The following RBM20 variants were observed in gnomAD, a reference collection of about 807,000 sequenced individuals.
The protein encoded by RBM20 is RNA binding motif protein 20, also known as RNA-binding protein 20.
RBM20 carries 51 observed loss-of-function variants against 110.1 expected under a neutral mutation model. The observed-to-expected ratio is 0.46, with a 90% CI of 0.37 to 0.59. RBM20 has a LOEUF of 0.59. Ranked by LOEUF, RBM20 falls within the 20% of genes least tolerant of loss-of-function variation. The pLI is 0.00. For missense variants in RBM20, 1,512 were observed against 1,574.9 expected (o/e 0.96, Z 0.68); for synonymous variants, 589 against 618.2 (o/e 0.95, Z 0.70).
chr10:110,645,977 A>G (rs1861861548), intron 1 of RBM20, among the ~76,000 whole-genome samples: 1 of 152,262 alleles, frequency 6.6e-6, no homozygotes. Flanking sequence ...GTACATCAAT[A>G]CTTAAAATTT....
rs1286599728 is a variant in RBM20, at chr10:110,781,460, G to A, written c.851G>A (p.Gly284Glu). The A allele has an allele frequency of 1.3e-6, 2 of 1,551,378 alleles. No homozygotes were observed. Among genetic ancestry groups the A allele is most frequent in the Non-Finnish European group, 8.7e-7 (1 of 1,147,010 alleles). The change falls in exon 2 of 14, where the codon GGA (glycine) becomes GAA (glutamate). Residue 284 changes from glycine (G) to glutamate (E), a missense_variant. Physicochemically the swap from Gly to Glu is moderately conservative, Grantham distance 98. Around this residue, in one of 3 missense-constraint regions of RBM20, gnomAD observed 1,149 missense variants for 1,169.4 expected, o/e 0.98. Coordinates refer to ENST00000369519, the MANE Select transcript of RBM20 (RefSeq NM_001134363.3). ...GCTGCCTTTTCCAAAGATTTTTACG[G>A]ACCCAACTCCCAAGGTTCACATGTG... ...GQAAFSKDFY[G>E]PNSQGSHVAS...
intron 1 of RBM20, among the ~76,000 whole-genome samples, chr10:110,747,582 T>C (rs1378384907): frequency 3.9e-5 from 6 of 152,236 alleles, no homozygotes; most frequent in Admixed American, 3.9e-4. Flanking sequence ...ACAATGCTTC[T>C]CTAAGACTAA....
At chr10:110,725,807 G>A (rs927456571) in intron 1 of RBM20, among the ~76,000 whole-genome samples, 1 of 152,228 alleles carries the variant, frequency 6.6e-6, no homozygotes, top group East Asian at 1.9e-4. Flanking sequence ...ATATAGCTGG[G>A]GTGGCGTGTG....
At chr10:110,675,455 TTAATCC>T (rs1416666272) in intron 1 of RBM20, among the ~76,000 whole-genome samples, 1 of 152,216 alleles carries the variant, frequency 6.6e-6, no homozygotes, top group Admixed American at 6.5e-5. Flanking sequence ...AGTATCTTAT[TTAATCC>T]CCAAACAACC....
intron 3 of RBM20, 33 bp from the exon 4 acceptor site, chr10:110,784,307 TA>T: frequency 1.4e-6 from 2 of 1,455,176 alleles, no homozygotes; most frequent in Admixed American, 2.0e-5. Flanking sequence ...TTTAACTTAT[TA>T]AGGAGCCGGT....
chr10:110,752,939 A>AT (rs746929801), intron 1 of RBM20, among the ~76,000 whole-genome samples: 3,828 of 93,486 alleles, frequency 0.041, 75 homozygotes, highest in Non-Finnish European at 0.061. Flanking sequence ...ATATATATAT[A>AT]TATATATTTT....
At chr10:110,805,317 G>A (rs1844680588) in intron 7 of RBM20, among the ~76,000 whole-genome samples, 1 of 152,216 alleles carries the variant, frequency 6.6e-6, no homozygotes, top group South Asian at 2.1e-4. Flanking sequence ...AGAGCTTCCA[G>A]GCAGGAGTCG....
chr10:110,746,173 G>T (rs1668444485), intron 1 of RBM20, among the ~76,000 whole-genome samples: 1 of 152,160 alleles, frequency 6.6e-6, no homozygotes, highest in African/African-American at 2.4e-5. Context: ...GCTGGTGCGG[G>T]CTTGTTCACA....
intron 13 of RBM20, among the ~76,000 whole-genome samples, chr10:110,833,458 G>C (rs909445480): frequency 6.7e-6 from 1 of 148,566 alleles, no homozygotes; most frequent in Non-Finnish European, 1.5e-5. Flanking sequence ...ATTTTCTGTA[G>C]GGCTGGGCCT....
chr10:110,647,960 A>T (rs1299919436), intron 1 of RBM20, among the ~76,000 whole-genome samples: 1 of 152,172 alleles, frequency 6.6e-6, no homozygotes, highest in Admixed American at 6.5e-5. Context: ...GAAACCAAAC[A>T]CGTGCACCCC....
chr10:110,833,257 C>T (rs192377249), intron 13 of RBM20, among the ~76,000 whole-genome samples: 18 of 151,878 alleles, frequency 1.2e-4, no homozygotes, highest in African/African-American at 3.1e-4. Flanking sequence ...GGCGTGGTGG[C>T]GCGCACCTAT....
At chr10:110,800,401 G>A (rs1324482352) in intron 7 of RBM20, among the ~76,000 whole-genome samples, 1 of 152,206 alleles carries the variant, frequency 6.6e-6, no homozygotes, top group Non-Finnish European at 1.5e-5. Context: ...AGAACTCAGG[G>A]ATGCATTCAA....
intron 1 of RBM20, among the ~76,000 whole-genome samples, chr10:110,767,509 G>C (rs1174383408): frequency 6.8e-6 from 1 of 148,112 alleles, no homozygotes; most frequent in South Asian, 2.1e-4. Context: ...GCTGCGGGGC[G>C]GAGGGGCTCC....
intron 1 of RBM20, among the ~76,000 whole-genome samples, chr10:110,681,841 T>G (rs1420223766): frequency 4.6e-5 from 7 of 152,024 alleles, no homozygotes. Flanking sequence ...ATTTCAACAG[T>G]CTTTTCATTA....
intron 5 of RBM20, among the ~76,000 whole-genome samples, chr10:110,787,177 A>G (rs946310390): frequency 1.3e-5 from 2 of 152,206 alleles, no homozygotes; most frequent in African/African-American, 4.8e-5. Flanking sequence ...AAACAACTGG[A>G]TTTCCATCCA....
intron 1 of RBM20, among the ~76,000 whole-genome samples, chr10:110,692,142 A>G (rs1862594606): frequency 6.6e-6 from 1 of 152,098 alleles, no homozygotes; most frequent in Non-Finnish European, 1.5e-5. Context: ...TCCTTATGCC[A>G]GTACCACACT....
At chr10:110,650,026 A>G (rs73353191) in intron 1 of RBM20, among the ~76,000 whole-genome samples, 26,055 of 152,098 alleles carry the variant, frequency 0.17, 3,016 homozygotes, top group African/African-American at 0.31. Context: ...GACTGGCTCC[A>G]TGGGTGGTCA....
At position 110,803,192 on chromosome 10, in the gene RBM20, A is replaced by G. The variant is rs537803348; in HGVS notation, c.1800+3274A>G. 8.9e-4 allele frequency among the ~76,000 whole-genome samples: 135 copies of G among 152,352 alleles called. 1 individual carries two copies. Among genetic ancestry groups the G allele is most frequent in the African/African-American group, 3.1e-3 (127 of 41,582 alleles). ...ACAGGTATTATTATCTCAGTTTTACAGATGAGGAATCTGAAGCTAATAGAA... is the reference window on the plus strand; with the variant it reads ...ACAGGTATTATTATCTCAGTTTTACGGATGAGGAATCTGAAGCTAATAGAA... On this transcript the variant is annotated intron_variant, in intron 7 of 13. Coordinates refer to ENST00000369519, the MANE Select transcript of RBM20 (RefSeq NM_001134363.3).
At chr10:110,809,466 C>T (rs1361398625) in intron 7 of RBM20, among the ~76,000 whole-genome samples, 5 of 151,874 alleles carry the variant, frequency 3.3e-5, no homozygotes, top group African/African-American at 1.2e-4. Context: ...CTCCTGTTGC[C>T]TTTTGTGCTT....
Sources: allele counts gnomAD v4.1 joint callset (sites outside exome capture counted in the v4.1 genomes callset), GRCh38; gene constraint gnomAD v4.1.1; regional missense constraint gnomAD v4.1.1; transcripts MANE v1.5; gene names NCBI Gene and HGNC (gene_info 2026-07-23, HGNC 2026-07-21).